The following CCDC141 variants were observed in gnomAD, a reference collection of about 807,000 sequenced individuals.
CCDC141 encodes coiled-coil domain-containing protein 141.
Under a neutral mutation model 181.0 loss-of-function variants are expected in CCDC141, and 168 were observed. That is an observed-to-expected ratio of 0.93 (90% confidence interval 0.82 to 1.05). The LOEUF is 1.05. CCDC141 is among the 50% of genes least tolerant of loss of function. CCDC141 has a pLI of 0.00. For synonymous variants in CCDC141, 666 were observed against 642.3 expected (o/e 1.04, Z -0.56); for missense variants, 1,902 against 1,788.5 (o/e 1.06, Z -1.14).
At chr2:179,001,539 A>G (rs1019602514) in intron 2 of CCDC141, among the ~76,000 whole-genome samples, 3 of 152,186 alleles carry the variant, frequency 2.0e-5, no homozygotes, top group Non-Finnish European at 4.4e-5. Flanking sequence ...AAAAAAAATC[A>G]TAAAGTTGAA....
intron 6 of CCDC141, among the ~76,000 whole-genome samples, chr2:178,935,850 A>T (rs1689264394): frequency 6.6e-6 from 1 of 151,936 alleles, no homozygotes; most frequent in African/African-American, 2.4e-5. Context: ...ATAATCAGTG[A>T]TATTGAGCTT....
intron 2 of CCDC141, among the ~76,000 whole-genome samples, chr2:179,017,498 G>A: frequency 6.6e-6 from 1 of 152,076 alleles, no homozygotes; most frequent in Non-Finnish European, 1.5e-5. Context: ...TCATTCCCCT[G>A]TTTTAAAGAG....
intron 2 of CCDC141, among the ~76,000 whole-genome samples, chr2:178,987,688 C>G (rs55887702): frequency 0.042 from 6,375 of 150,094 alleles, 188 homozygotes; most frequent in Non-Finnish European, 0.067. Context: ...CAAAAGAAGA[C>G]ATTTATGCAG....
In CCDC141 at chr2:179,049,898, G is replaced by A. The variant is rs1198841643; in HGVS notation, c.44C>T (p.Thr15Ile). 1 of 1,550,662 alleles carries A rather than the reference G, an allele frequency of 6.4e-7. No homozygotes were observed. Among genetic ancestry groups the A allele is most frequent in the African/African-American group, 1.4e-5 (1 of 73,056 alleles). ...AGCCTGCACAGCAACTGAACTGACT[G>A]TCGTCGTAGAAAGCGCAACACTAGG... ...GSPSVALSTTTVSSVAVQAGD... is the reference protein window; with the variant it reads ...GSPSVALSTTIVSSVAVQAGD... The change falls in exon 1 of 24, where the codon ACA becomes ATA. Residue 15 changes from threonine to isoleucine, a missense_variant. Transcript: ENST00000443758.
chr2:178,906,917 G>A (rs946635626), intron 7 of CCDC141, among the ~76,000 whole-genome samples: 5 of 152,174 alleles, frequency 3.3e-5, no homozygotes, highest in Non-Finnish European at 5.9e-5. Flanking sequence ...GTGAGATCTA[G>A]TGGCAGAATT....
intron 5 of CCDC141, 99 bp from the exon 6 acceptor site, chr2:178,944,750 CTTTAA>C (rs1298020443): frequency 8.5e-6 from 4 of 471,032 alleles, no homozygotes; most frequent in African/African-American, 4.0e-5. Flanking sequence ...ACTTAAGCTA[CTTTAA>C]TTTCTTTTTA....
chr2:178,857,994 T>C (rs900544296), intron 17 of CCDC141, among the ~76,000 whole-genome samples: 2 of 152,178 alleles, frequency 1.3e-5, no homozygotes, highest in Non-Finnish European at 2.9e-5. Flanking sequence ...CCTAGTGGAA[T>C]TGCGAACGGA....
Position 178,888,663 on chromosome 2 carries a change from T to C in CCDC141, c.1271A>G (p.Gln424Arg), listed in dbSNP as rs1464703264. The C allele has an allele frequency of 1.7e-5, 27 of 1,550,458 alleles. No homozygotes were observed. The highest frequency in any genetic ancestry group is 2.4e-5 in the Non-Finnish European group (27 of 1,146,768). Residue 424 changes from glutamine (Q) to arginine (R), a missense_variant, in exon 9 of 24, where the codon CAG (glutamine) becomes CGG (arginine). Physicochemically the swap from Gln to Arg is conservative, Grantham distance 43. Coordinates refer to ENST00000443758, the MANE Select transcript of CCDC141 (RefSeq NM_173648.4). ...CATCATCTCATGGATGCCGGACACCTGAGAGCTGAACAGAGCAAGCCAGCT... is the reference window on the plus strand; with the variant it reads ...CATCATCTCATGGATGCCGGACACCCGAGAGCTGAACAGAGCAAGCCAGCT... ...LISQVDSCSS[Q>R]VSGIHEMMGC...
At chr2:178,819,610 G>A in the CCDC141 span, among the ~76,000 whole-genome samples, 1 of 152,250 alleles carries the variant, frequency 6.6e-6, no homozygotes, top group Non-Finnish European at 1.5e-5. Flanking sequence ...TTTTCTGCCA[G>A]GGGATATTTG....
intron 11 of CCDC141, among the ~76,000 whole-genome samples, chr2:178,880,903 G>T (rs924042703): frequency 2.0e-5 from 3 of 152,312 alleles, no homozygotes; most frequent in Non-Finnish European, 4.4e-5. Context: ...TTGAGGAAAA[G>T]ACACCAGCTG....
In CCDC141 at chr2:178,924,669, T is replaced by C. The variant is rs528149465; in HGVS notation, c.898-5762A>G. On this transcript the variant is annotated intron_variant, in intron 6 of 23. Coordinates refer to ENST00000443758, the MANE Select transcript of CCDC141 (RefSeq NM_173648.4). ...CAGGGTCATTCTGGAGAGAAGTGTC[T>C]TGCCTCAGTCTCCCATGCTTGCTGA... 5.3e-5 allele frequency among the ~76,000 whole-genome samples: 8 copies of C among 152,332 alleles called. No individual in the cohort carries two copies. The East Asian group carries it at 1.5e-3, about 29-fold the overall frequency.
intron 8 of CCDC141, among the ~76,000 whole-genome samples, chr2:178,896,695 T>C (rs1337239811): frequency 6.6e-6 from 1 of 151,830 alleles, no homozygotes; most frequent in Non-Finnish European, 1.5e-5. Context: ...CCTAACAGAG[T>C]AGTTCAGATC....
downstream of CCDC141, among the ~76,000 whole-genome samples, chr2:178,825,076 T>C (rs985388591): frequency 6.6e-6 from 1 of 152,170 alleles, no homozygotes; most frequent in Non-Finnish European, 1.5e-5. Context: ...TACTTAACAT[T>C]TAGACAATAC....
Position 178,865,935 on chromosome 2 carries a change from G to GAAA in CCDC141, c.2575-20_2575-19insTTT. On this transcript the variant is annotated intron_variant, in intron 16 of 23. Coordinates refer to ENST00000443758, the MANE Select transcript of CCDC141 (RefSeq NM_173648.4). ...AGCAGTGCTAAAAGAGACAAATGGT[G>GAAA]GTAACAGAGAGAAAGGACGAAACAG... 6.8e-7 allele frequency: 1 copy of GAAA among 1,463,504 alleles called. No homozygotes were observed. The highest frequency in any genetic ancestry group is 9.1e-7 in the Non-Finnish European group (1 of 1,100,366). The allele number at this position is 1,463,504 out of a possible 1,614,324, so 90.7% of individuals were successfully genotyped here. A position where few individuals can be genotyped will look rare whatever the true frequency, so the allele number is the denominator to read the frequency against.
the CCDC141 span, among the ~76,000 whole-genome samples, chr2:178,815,567 G>A: frequency 2.6e-5 from 4 of 152,196 alleles, no homozygotes; most frequent in African/African-American, 7.2e-5. Flanking sequence ...CAGTATAGTC[G>A]TCCTTCAGTA....
At chr2:178,891,562 C>A (rs2154371243) in intron 8 of CCDC141, among the ~76,000 whole-genome samples, 1 of 151,272 alleles carries the variant, frequency 6.6e-6, no homozygotes, top group Admixed American at 6.8e-5. Flanking sequence ...TTGAAACTGG[C>A]TGGCTTTTCT....
At chr2:178,863,380 G>T (rs1018670587) in intron 17 of CCDC141, among the ~76,000 whole-genome samples, 1 of 152,176 alleles carries the variant, frequency 6.6e-6, no homozygotes, top group African/African-American at 2.4e-5. Context: ...GCTATACTTG[G>T]TTTAGTCCTC....
intron 21 of CCDC141, among the ~76,000 whole-genome samples, chr2:178,846,116 T>A (rs1191277610): frequency 6.6e-6 from 1 of 151,912 alleles, no homozygotes; most frequent in East Asian, 1.9e-4. Context: ...TGATTAAAGA[T>A]CTCTAGGGGA....
chr2:178,968,393 G>A (rs753511039), intron 4 of CCDC141, among the ~76,000 whole-genome samples: 7 of 152,148 alleles, frequency 4.6e-5, no homozygotes, highest in African/African-American at 7.2e-5. Flanking sequence ...CAGCCTCTCA[G>A]ACCACAGTGC....
Sources: allele counts gnomAD v4.1 joint callset (sites outside exome capture counted in the v4.1 genomes callset), GRCh38; gene constraint gnomAD v4.1.1; transcripts MANE v1.5; gene names NCBI Gene and HGNC (gene_info 2026-07-23, HGNC 2026-07-21).